APBB1IP: variants seen among roughly 807,000 people sequenced by gnomAD.
APBB1IP encodes amyloid beta precursor protein binding family B member 1 interacting protein.
APBB1IP carries 27 observed loss-of-function variants against 64.9 expected under a neutral mutation model. The ratio of observed to expected loss-of-function variants is 0.42; its 90% CI spans 0.31 to 0.57. APBB1IP has a LOEUF of 0.57. APBB1IP is among the 20% of genes least tolerant of loss of function. APBB1IP has a pLI of 0.20. For synonymous variants in APBB1IP, 392 were observed against 331.0 expected (o/e 1.18, Z -2.00); for missense variants, 812 against 845.5 (o/e 0.96, Z 0.49).
At chr10:26,508,395 C>CA (rs35547259) in intron 6 of APBB1IP, among the ~76,000 whole-genome samples, 22,024 of 136,786 alleles carry the variant, frequency 0.16, 1,910 homozygotes, top group East Asian at 0.32. Context: ...AGTATAGAAG[C>CA]AAAAAAAAAC....
chr10:26,539,291 A>T (rs917838956), intron 10 of APBB1IP, among the ~76,000 whole-genome samples: 1 of 152,092 alleles, frequency 6.6e-6, no homozygotes, highest in Non-Finnish European at 1.5e-5. Context: ...ACATGCCTGT[A>T]GTCCCAGCTA....
intron 8 of APBB1IP, among the ~76,000 whole-genome samples, chr10:26,529,607 A>G (rs545916253): frequency 5.2e-4 from 79 of 152,250 alleles, no homozygotes; most frequent in African/African-American, 1.5e-3. Context: ...AAGGATGATG[A>G]CAAACACTTG....
At chr10:26,459,399 A>G (rs1400953930) in intron 2 of APBB1IP, among the ~76,000 whole-genome samples, 1 of 152,100 alleles carries the variant, frequency 6.6e-6, no homozygotes, top group Non-Finnish European at 1.5e-5. Context: ...CAATAAACAT[A>G]CGTGTCATGT....
At chr10:26,499,297 C>G (rs1836067186) in intron 4 of APBB1IP, among the ~76,000 whole-genome samples, 1 of 149,254 alleles carries the variant, frequency 6.7e-6, no homozygotes, top group Non-Finnish European at 1.5e-5. Context: ...GCCTAGGTGA[C>G]AAAGCGAAAC....
At chr10:26,440,613 A>C (rs1275298933) in intron 2 of APBB1IP, among the ~76,000 whole-genome samples, 1 of 152,220 alleles carries the variant, frequency 6.6e-6, no homozygotes, top group Non-Finnish European at 1.5e-5. Flanking sequence ...CTATTTCTCA[A>C]GAAATATAAC....
At chr10:26,517,567 G>A (rs1041223820) in intron 8 of APBB1IP, among the ~76,000 whole-genome samples, 1 of 152,202 alleles carries the variant, frequency 6.6e-6, no homozygotes, top group African/African-American at 2.4e-5. Flanking sequence ...AGCCACCAGA[G>A]TAGCCGGAAA....
chr10:26,480,598 T>TATTGG (rs1270227529), intron 2 of APBB1IP, among the ~76,000 whole-genome samples: 1 of 150,714 alleles, frequency 6.6e-6, no homozygotes, highest in East Asian at 2.0e-4. Flanking sequence ...ATAACTTTAA[T>TATTGG]ATTGGAATGG....
chr10:26,507,207 A>T (rs752921448), intron 6 of APBB1IP, among the ~76,000 whole-genome samples: 1 of 152,086 alleles, frequency 6.6e-6, no homozygotes, highest in East Asian at 1.9e-4. Context: ...TAAAGGTCAT[A>T]AAGGGCCAGG....
intron 2 of APBB1IP, among the ~76,000 whole-genome samples, chr10:26,485,655 T>C (rs537093548): frequency 6.6e-6 from 1 of 152,344 alleles, no homozygotes; most frequent in South Asian, 2.1e-4. Flanking sequence ...TAGGCATTAT[T>C]GTTTTCCTTA....
At chr10:26,522,966 T>C (rs11814909) in intron 8 of APBB1IP, among the ~76,000 whole-genome samples, 32,526 of 140,628 alleles carry the variant, frequency 0.23, 4,190 homozygotes, top group Middle Eastern at 0.31. Flanking sequence ...ATCGTGCCAT[T>C]GCACTCCAGC....
At chr10:26,452,828 C>T (rs575165347) in intron 2 of APBB1IP, among the ~76,000 whole-genome samples, 1 of 152,080 alleles carries the variant, frequency 6.6e-6, no homozygotes, top group Admixed American at 6.6e-5. Flanking sequence ...ATTTTGTAGC[C>T]TCCAATGTCT....
chr10:26,496,003 A>T (rs184580742), intron 3 of APBB1IP, among the ~76,000 whole-genome samples: 6,558 of 144,440 alleles, frequency 0.045, 493 homozygotes, highest in African/African-American at 0.16. Flanking sequence ...ATATATATAT[A>T]GTGTGTGTGT....
At chr10:26,511,643 T>C in intron 6 of APBB1IP, 104 bp from the exon 7 acceptor site, 1 of 1,379,076 alleles carries the variant, frequency 7.3e-7, no homozygotes, top group East Asian at 2.4e-5. Context: ...ACCAAACACA[T>C]TCTTACAGAA....
intron 2 of APBB1IP, among the ~76,000 whole-genome samples, chr10:26,449,189 G>A (rs2132397088): frequency 6.6e-6 from 1 of 152,278 alleles, no homozygotes; most frequent in African/African-American, 2.4e-5. Flanking sequence ...TCTTTTAAAA[G>A]CGTGCCTGAC....
rs375916170 is a variant in APBB1IP, at chr10:26,510,734, T to TCTCACA, written c.532-1012_532-1011insTCACAC. Among the ~76,000 whole-genome samples, 3 of 135,984 alleles carry TCTCACA rather than the reference T, an allele frequency of 2.2e-5. No individual in the cohort carries two copies. The South Asian group carries it at 7.5e-4, about 34-fold the overall frequency. 89.2% of individuals were successfully genotyped at this position (135,984 alleles called of 152,430 possible). A position where few individuals can be genotyped will look rare whatever the true frequency, so the allele number is the denominator to read the frequency against. On this transcript the variant is annotated intron_variant, in intron 6 of 14. Coordinates refer to ENST00000376236, the MANE Select transcript of APBB1IP (RefSeq NM_019043.4). ...CTAGGCAACAGAGCAAGACCCTGTC[T>TCTCACA]CACACACACACACACACACACACAC...
rs765481315 is a variant in APBB1IP at position 26,500,826 on chromosome 10, A to G, written c.168A>G (p.Leu56=). 4 of 1,613,058 alleles carry G rather than the reference A, an allele frequency of 2.5e-6. No homozygotes were observed. In the African/African-American group the frequency reaches 5.3e-5, roughly 22 times the overall value. ...SVGFKDLNES[L]NALEDQDLDA... Reference sequence around the variant, plus strand: ...TGTGATTTTCCCTACTAGAGTCCTTAAATGCACTGGAAGACCAAGATTTAG... The same window carrying G: ...TGTGATTTTCCCTACTAGAGTCCTTGAATGCACTGGAAGACCAAGATTTAG... The change falls in exon 5 of 15, where the codon TTA becomes TTG. Residue 56 remains leucine (L), a synonymous_variant. Coordinates refer to ENST00000376236, the MANE Select transcript of APBB1IP (RefSeq NM_019043.4).
At position 26,501,081 on chromosome 10, in the gene APBB1IP, G is replaced by A. The variant is rs779655707; in HGVS notation, c.423G>A (p.Leu141=). The change falls in exon 5 of 15, where the codon CTG becomes CTA. Residue 141 remains leucine, a synonymous_variant. Coordinates refer to ENST00000376236, the MANE Select transcript of APBB1IP (RefSeq NM_019043.4). ...PPADPVLDLP[L]PPPPPEPLSQ... Reference sequence around the variant, plus strand: ...CCGATCCTGTGTTAGACCTTCCACTGCCACCACCACCTCCTGAACCTCTCT... The same window carrying A: ...CCGATCCTGTGTTAGACCTTCCACTACCACCACCACCTCCTGAACCTCTCT... 6.2e-7 allele frequency: 1 copy of A among 1,614,144 alleles called. No homozygotes were observed. The highest frequency in any genetic ancestry group is 1.1e-5 in the South Asian group (1 of 91,082).
chr10:26,492,983 T>G (rs1307832913), intron 3 of APBB1IP, among the ~76,000 whole-genome samples: 4 of 152,116 alleles, frequency 2.6e-5, no homozygotes, highest in Non-Finnish European at 4.4e-5. Context: ...TCCGTTATCT[T>G]CAACTGCATA....
chr10:26,514,957 T>C (rs189577958), intron 8 of APBB1IP, among the ~76,000 whole-genome samples: 2 of 152,074 alleles, frequency 1.3e-5, no homozygotes. Context: ...CTGAAACCTC[T>C]GCCTCCCGGG....
Sources: allele counts gnomAD v4.1 joint callset (sites outside exome capture counted in the v4.1 genomes callset), GRCh38; gene constraint gnomAD v4.1.1; transcripts MANE v1.5; gene names NCBI Gene and HGNC (gene_info 2026-07-23, HGNC 2026-07-21).